Variants in LRRC7 observed in about 807,000 individuals in gnomAD.
LRRC7 encodes leucine rich repeat containing 7, also known as leucine-rich repeat-containing protein 7.
LRRC7 carries 23 observed loss-of-function variants against 175.7 expected under a neutral mutation model. The ratio of observed to expected loss-of-function variants is 0.13; its 90% CI spans 0.09 to 0.19. LRRC7 has a LOEUF of 0.19. LRRC7 is among the 10% of genes least tolerant of loss of function. LRRC7 has a pLI of 1.00. For missense variants in LRRC7, 1,354 were observed against 1,904.7 expected (o/e 0.71, Z 5.38); for synonymous variants, 685 against 680.9 (o/e 1.01, Z -0.09).
At chr1:70,016,002 G>A (rs1453608625) in intron 13 of LRRC7, among the ~76,000 whole-genome samples, 1 of 152,190 alleles carries the variant, frequency 6.6e-6, no homozygotes, top group Non-Finnish European at 1.5e-5. Context: ...AAGGTGCTTT[G>A]AAACCAGATT....
At chr1:69,798,153 C>A (rs1441321903) in intron 4 of LRRC7, among the ~76,000 whole-genome samples, 2 of 152,148 alleles carry the variant, frequency 1.3e-5, no homozygotes, top group Non-Finnish European at 2.9e-5. Flanking sequence ...AACTCCTGAC[C>A]TTGTAATCTG....
chr1:69,724,707 A>G (rs1418135497), intron 2 of LRRC7, among the ~76,000 whole-genome samples: 1 of 152,188 alleles, frequency 6.6e-6, no homozygotes, highest in Non-Finnish European at 1.5e-5. Flanking sequence ...GAACTCTAGC[A>G]GTAAATGAGA....
intron 9 of LRRC7, 148 bp downstream of exon 9, chr1:69,980,601 C>CT (rs1653322357): frequency 3.4e-6 from 2 of 594,654 alleles, no homozygotes; most frequent in East Asian, 3.2e-5. Flanking sequence ...GTGTTTTCAC[C>CT]ATTTTTTTTT....
At chr1:69,784,242 G>A (rs1055724713) in intron 3 of LRRC7, among the ~76,000 whole-genome samples, 2 of 151,990 alleles carry the variant, frequency 1.3e-5, no homozygotes, top group South Asian at 2.1e-4. Context: ...AAACAGAAGC[G>A]AGGGAATTAG....
At chr1:69,631,795 A>T (rs1444152758) in intron 1 of LRRC7, among the ~76,000 whole-genome samples, 1 of 152,110 alleles carries the variant, frequency 6.6e-6, no homozygotes, top group South Asian at 2.1e-4. Context: ...ACTACACTCT[A>T]GCTGGCTGCT....
intron 4 of LRRC7, among the ~76,000 whole-genome samples, chr1:69,801,513 A>C (rs1009340450): frequency 2.0e-5 from 3 of 151,610 alleles, no homozygotes; most frequent in Non-Finnish European, 3.0e-5. Flanking sequence ...AGACTTATTC[A>C]TGGTAGTCTC....
chr1:69,752,125 C>T (rs1267631703), intron 2 of LRRC7, among the ~76,000 whole-genome samples: 5 of 152,032 alleles, frequency 3.3e-5, no homozygotes, highest in Non-Finnish European at 5.9e-5. Context: ...TTTGGAGTAC[C>T]AGAATCACCA....
At chr1:69,961,762 T>G in intron 8 of LRRC7, among the ~76,000 whole-genome samples, 1 of 152,190 alleles carries the variant, frequency 6.6e-6, no homozygotes, top group East Asian at 1.9e-4. Context: ...TAAATGGTGC[T>G]GGGATAACTG....
chr1:70,041,036 C>T (rs1388170882), intron 21 of LRRC7, among the ~76,000 whole-genome samples: 4 of 152,132 alleles, frequency 2.6e-5, no homozygotes, highest in African/African-American at 7.2e-5. Context: ...TCTGCATTGA[C>T]ATTAGAATCT....
chr1:69,942,044 C>A (rs921578541), intron 8 of LRRC7, among the ~76,000 whole-genome samples: 1 of 152,052 alleles, frequency 6.6e-6, no homozygotes, highest in Non-Finnish European at 1.5e-5. Flanking sequence ...ACTTATAGTG[C>A]CAGGAACCAA....
intron 7 of LRRC7, among the ~76,000 whole-genome samples, chr1:69,914,494 G>A (rs1056770576): frequency 2.6e-5 from 4 of 152,018 alleles, no homozygotes; most frequent in African/African-American, 4.8e-5. Flanking sequence ...CCAAAATGAC[G>A]GCATTAAGAG....
At chr1:69,749,281 C>A (rs570888790) in intron 2 of LRRC7, among the ~76,000 whole-genome samples, 1 of 152,236 alleles carries the variant, frequency 6.6e-6, no homozygotes, top group East Asian at 1.9e-4. Context: ...AACCTTCTCT[C>A]AAGGAATTGC....
chr1:69,796,726 G>A (rs1379754749), intron 4 of LRRC7, among the ~76,000 whole-genome samples: 2 of 151,892 alleles, frequency 1.3e-5, no homozygotes, highest in Non-Finnish European at 1.5e-5. Flanking sequence ...CCTAGGAGGC[G>A]GAGGTTGCGG....
intron 4 of LRRC7, among the ~76,000 whole-genome samples, chr1:69,813,693 G>C (rs1294537183): frequency 6.6e-6 from 1 of 152,056 alleles, no homozygotes; most frequent in Non-Finnish European, 1.5e-5. Flanking sequence ...TTCAGCCTAG[G>C]TTTGAATATA....
intron 24 of LRRC7, among the ~76,000 whole-genome samples, chr1:70,089,468 G>A (rs569375928): frequency 3.4e-4 from 52 of 152,200 alleles, no homozygotes; most frequent in Admixed American, 1.0e-3. Context: ...TCAAAATTTA[G>A]TCCTGTACAT....
chr1:69,620,054 C>T (rs1650310133), intron 1 of LRRC7, among the ~76,000 whole-genome samples: 1 of 152,160 alleles, frequency 6.6e-6, no homozygotes, highest in Admixed American at 6.6e-5. Context: ...ATTCTGAAGA[C>T]ACTCCTTCCT....
At position 70,123,313 on chromosome 1, in the gene LRRC7, A is replaced by G. The variant is rs1276244190; in HGVS notation, c.*1426A>G. Reference sequence around the variant, plus strand: ...TTTTACATAGTTCTTTTGTTATATAATGAATTTACTTTACATGCTAGTGTT... The same window carrying G: ...TTTTACATAGTTCTTTTGTTATATAGTGAATTTACTTTACATGCTAGTGTT... On this transcript the variant is annotated 3_prime_UTR_variant, in exon 27 of 27. Transcript: ENST00000651989. The G allele has an allele frequency of 1.3e-5, 2 of 152,124 alleles. No individual in the cohort carries two copies. The highest frequency in any genetic ancestry group is 4.8e-5 in the African/African-American group (2 of 41,442). 9.4% of individuals were successfully genotyped at this position (152,124 alleles called of 1,614,324 possible).
intron 2 of LRRC7, among the ~76,000 whole-genome samples, chr1:69,725,214 A>G (rs369979563): frequency 4.6e-5 from 7 of 152,312 alleles, no homozygotes; most frequent in Admixed American, 4.6e-4. Context: ...AAAGTGGATC[A>G]TCATAAAGGT....
intron 7 of LRRC7, among the ~76,000 whole-genome samples, chr1:69,927,417 C>T (rs1011928190): frequency 6.6e-6 from 1 of 152,172 alleles, no homozygotes; most frequent in African/African-American, 2.4e-5. Flanking sequence ...CAACTTGGTT[C>T]CATTCTCCCC....
Sources: gnomAD v4.1 joint callset for allele counts (sites outside exome capture counted in the v4.1 genomes callset) on GRCh38, gnomAD v4.1.1 for gene constraint, MANE v1.5 for transcripts, NCBI Gene and HGNC (gene_info 2026-07-23, HGNC 2026-07-21) for gene names.